DLG2: variants seen among roughly 807,000 people sequenced by gnomAD.
The protein encoded by DLG2 is discs large MAGUK scaffold protein 2, also known as disks large homolog 2.
DLG2 carries 45 observed loss-of-function variants against 132.5 expected under a neutral mutation model. The observed-to-expected ratio is 0.34, with a 90% CI of 0.27 to 0.44. DLG2 has a LOEUF of 0.44. Ranked by LOEUF, DLG2 falls within the 20% of genes least tolerant of loss-of-function variation. DLG2 has a pLI of 1.00. For synonymous variants in DLG2, 424 were observed against 419.6 expected, an observed-to-expected ratio of 1.01 and a Z score of -0.13; for missense variants, 1,045 against 1,196.9, an observed-to-expected ratio of 0.87 and a Z score of 1.87.
intron 3 of DLG2, among the ~76,000 whole-genome samples, chr11:85,488,880 G>T (rs896895902): frequency 1.3e-5 from 2 of 151,868 alleles, no homozygotes; most frequent in Non-Finnish European, 2.9e-5. Context: ...GGAAGTGATG[G>T]AACAACATTC....
intron 17 of DLG2, among the ~76,000 whole-genome samples, chr11:83,792,682 T>A (rs1209784891): frequency 1.3e-5 from 2 of 152,186 alleles, no homozygotes; most frequent in East Asian, 3.8e-4. Context: ...TTAATCTCAT[T>A]CTTTTTAATA....
intron 19 of DLG2, among the ~76,000 whole-genome samples, chr11:83,589,685 C>T (rs1248235585): frequency 6.6e-6 from 1 of 150,820 alleles, no homozygotes; most frequent in Non-Finnish European, 1.5e-5. Context: ...AATTAAAAGA[C>T]ACAGACTGGC....
chr11:84,137,209 C>T (rs2094635045), intron 9 of DLG2, among the ~76,000 whole-genome samples: 1 of 152,062 alleles, frequency 6.6e-6, no homozygotes, highest in Non-Finnish European at 1.5e-5. Flanking sequence ...TTAGAAGGCT[C>T]AACTTTCTCT....
At chr11:84,583,190 T>A (rs1361619578) in intron 6 of DLG2, among the ~76,000 whole-genome samples, 1 of 152,228 alleles carries the variant, frequency 6.6e-6, no homozygotes, top group Non-Finnish European at 1.5e-5. Flanking sequence ...ATAAGATTGT[T>A]CTTAAGTGTA....
At chr11:83,519,046 G>A (rs1047607038) in intron 21 of DLG2, among the ~76,000 whole-genome samples, 1 of 152,138 alleles carries the variant, frequency 6.6e-6, no homozygotes, top group African/African-American at 2.4e-5. Context: ...AGTGCAGAGA[G>A]AGCAGCCACA....
chr11:84,872,870 T>C (rs1277158721), intron 6 of DLG2, among the ~76,000 whole-genome samples: 3 of 152,208 alleles, frequency 2.0e-5, no homozygotes, highest in Admixed American at 6.5e-5. Context: ...CTGCGATACA[T>C]ACATGGCTTT....
intron 6 of DLG2, among the ~76,000 whole-genome samples, chr11:84,917,243 C>T (rs1272654304): frequency 1.3e-5 from 2 of 152,086 alleles, no homozygotes; most frequent in Non-Finnish European, 2.9e-5. Flanking sequence ...AAAAGAAAGC[C>T]TCAGGCCTGA....
intron 6 of DLG2, among the ~76,000 whole-genome samples, chr11:84,639,351 T>C (rs899486881): frequency 1.2e-5 from 1 of 83,308 alleles, no homozygotes; most frequent in Non-Finnish European, 2.5e-5. Flanking sequence ...TATCTGTGTT[T>C]TTTTTTTTTT....
rs556035308 is a variant in DLG2, at chr11:85,352,732, C to G, written c.41-67367G>C. Reference sequence around the variant, plus strand: ...GACAAACCTGACAAAAACAAGAAATCGGGAAAGGATTCCCTATTTAATAAA... The same window carrying G: ...GACAAACCTGACAAAAACAAGAAATGGGGAAAGGATTCCCTATTTAATAAA... On this transcript the variant is annotated intron_variant, in intron 3 of 27. Coordinates refer to ENST00000376104, the MANE Select transcript of DLG2 (RefSeq NM_001142699.3). Among the ~76,000 whole-genome samples the G allele has an allele frequency of 9.2e-5, 14 of 152,086 alleles. No individual in the cohort carries two copies. The South Asian group carries it at 1.9e-3, about 20-fold the overall frequency.
At chr11:85,504,243 T>C (rs1430565032) in intron 3 of DLG2, among the ~76,000 whole-genome samples, 1 of 152,094 alleles carries the variant, frequency 6.6e-6, no homozygotes, top group Non-Finnish European at 1.5e-5. Flanking sequence ...AATTTTGGCT[T>C]TTGTTGCCAT....
At chr11:84,546,679 C>A in intron 6 of DLG2, 1 of 529,192 alleles carries the variant, frequency 1.9e-6, no homozygotes, top group Non-Finnish European at 3.7e-6. Context: ...AACCCAAAGG[C>A]CCTGGAGCAA....
At chr11:83,668,728 CAT>C (rs1555312566) in intron 18 of DLG2, among the ~76,000 whole-genome samples, 19 of 131,036 alleles carry the variant, frequency 1.4e-4, no homozygotes, top group South Asian at 9.7e-4. Flanking sequence ...TATATAAACA[CAT>C]ATATATGTGT....
At chr11:84,686,343 C>A (rs1456574363) in intron 6 of DLG2, among the ~76,000 whole-genome samples, 2 of 152,176 alleles carry the variant, frequency 1.3e-5, no homozygotes, top group African/African-American at 4.8e-5. Flanking sequence ...TTGTTAACAT[C>A]AATTTATGGC....
At chr11:84,954,373 C>T (rs542292130) in intron 6 of DLG2, among the ~76,000 whole-genome samples, 4 of 150,370 alleles carry the variant, frequency 2.7e-5, no homozygotes, top group African/African-American at 9.7e-5. Flanking sequence ...AAAACCCTCA[C>T]GTCGACATTA....
chr11:84,809,250 G>A (rs2076307997), intron 6 of DLG2, among the ~76,000 whole-genome samples: 1 of 151,764 alleles, frequency 6.6e-6, no homozygotes, highest in African/African-American at 2.4e-5. Flanking sequence ...TTGATAAAAA[G>A]TCTTAAAAAC....
intron 10 of DLG2, among the ~76,000 whole-genome samples, chr11:84,095,289 T>C (rs1033982930): frequency 1.3e-5 from 2 of 152,212 alleles, no homozygotes; most frequent in African/African-American, 4.8e-5. Flanking sequence ...GTGCCTGCCA[T>C]AGCTAAGGAG....
intron 11 of DLG2, among the ~76,000 whole-genome samples, chr11:83,992,534 T>C (rs1490492012): frequency 6.6e-6 from 1 of 152,134 alleles, no homozygotes; most frequent in Non-Finnish European, 1.5e-5. Context: ...CATTGAGAGA[T>C]AACATGGCTT....
At chr11:84,951,238 G>A (rs1384678847) in intron 6 of DLG2, among the ~76,000 whole-genome samples, 1 of 152,106 alleles carries the variant, frequency 6.6e-6, no homozygotes, top group African/African-American at 2.4e-5. Flanking sequence ...GATTTTTAAA[G>A]CATTATTCTA....
chr11:85,573,301 A>G (rs923849659), intron 3 of DLG2, among the ~76,000 whole-genome samples: 12 of 152,200 alleles, frequency 7.9e-5, no homozygotes, highest in African/African-American at 2.9e-4. Context: ...CTCACAAGCT[A>G]CAACGTTTAT....
Sources: allele counts gnomAD v4.1 joint callset (sites outside exome capture counted in the v4.1 genomes callset), GRCh38; gene constraint gnomAD v4.1.1; transcripts MANE v1.5; gene names NCBI Gene and HGNC (gene_info 2026-07-23, HGNC 2026-07-21).